The following APAF1 variants were observed in gnomAD, a reference collection of about 807,000 sequenced individuals.
The protein encoded by APAF1 is apoptotic peptidase activating factor 1.
APAF1 carries 91 observed loss-of-function variants against 152.4 expected under a neutral mutation model. The observed-to-expected ratio is 0.60, with a 90% CI of 0.50 to 0.71. APAF1 has a LOEUF of 0.71. Among genes scored for constraint, APAF1 ranks in the 30% least tolerant of loss-of-function variants. APAF1 has a pLI of 0.00. For missense variants in APAF1, 1,283 were observed against 1,472.0 expected (o/e 0.87, Z 2.10); for synonymous variants, 484 against 494.1 (o/e 0.98, Z 0.27).
At position 98,725,422 on chromosome 12, in the gene APAF1, G is replaced by A. The variant is rs747384651; in HGVS notation, c.3338G>A (p.Ser1113Asn). 1.2e-6 allele frequency: 2 copies of A among 1,614,102 alleles called. No homozygotes were observed. Among genetic ancestry groups the A allele is most frequent in the Admixed American group, 3.3e-5 (2 of 60,022 alleles). The change falls in exon 25 of 27, where the codon AGT (serine) becomes AAT (asparagine). Residue 1113 changes from serine (S) to asparagine (N), a missense_variant. Physicochemically the swap from Ser to Asn is conservative, Grantham distance 46. Coordinates refer to ENST00000551964, the MANE Select transcript of APAF1 (RefSeq NM_181861.2). Reference protein sequence around the residue: ...TSADKTAKIWSFDLLLPLHEL... With the variant: ...TSADKTAKIWNFDLLLPLHEL... ...ATCCTAATTGCCTTCCAGATCTGGA[G>A]TTTTGATCTCCTTTTGCCACTTCAT...
intron 16 of APAF1, among the ~76,000 whole-genome samples, chr12:98,693,810 G>A (rs11833466): frequency 0.037 from 4,017 of 108,470 alleles, 177 homozygotes; most frequent in African/African-American, 0.12. Context: ...TTTTTTTTTC[G>A]TCTTCTTTCT....
chr12:98,682,778 A>G (rs1012023679), intron 14 of APAF1, among the ~76,000 whole-genome samples: 21 of 152,230 alleles, frequency 1.4e-4, no homozygotes, highest in African/African-American at 5.1e-4. Context: ...TGGTAGAGCC[A>G]GCTCTTGGGC....
intron 12 of APAF1, among the ~76,000 whole-genome samples, chr12:98,676,777 G>C (rs2097687037): frequency 6.6e-6 from 1 of 151,832 alleles, no homozygotes; most frequent in Admixed American, 6.6e-5. Flanking sequence ...CTCCCAAGTA[G>C]CTGGGATTAC....
chr12:98,711,622 A>T (rs1275455212), intron 20 of APAF1, among the ~76,000 whole-genome samples: 2 of 152,228 alleles, frequency 1.3e-5, no homozygotes, highest in Non-Finnish European at 2.9e-5. Context: ...TTATGACACT[A>T]AGAGAGAGGT....
intron 12 of APAF1, among the ~76,000 whole-genome samples, chr12:98,674,747 T>C (rs1447506817): frequency 6.6e-6 from 1 of 152,244 alleles, no homozygotes; most frequent in African/African-American, 2.4e-5. Context: ...TAGTATTTTA[T>C]AGCATTGTTG....
chr12:98,665,089 G>A (rs1445004363), intron 7 of APAF1, among the ~76,000 whole-genome samples: 2 of 148,406 alleles, frequency 1.3e-5, no homozygotes, highest in Non-Finnish European at 3.0e-5. Context: ...GGATGCAGTG[G>A]TGCTGTCATG....
In APAF1 at chr12:98,708,640, T is replaced by C; in HGVS notation, c.2777T>C (p.Val926Ala). The change falls in exon 20 of 27, where the codon GTA becomes GCA. Residue 926 changes from valine to alanine, a missense_variant. Transcript: ENST00000551964. Reference sequence around the variant, plus strand: ...TCTGCTGTAATGTTAAAGCAAGAAGTAGATGTTGTGTTTCAAGAAAATGAA... The same window carrying C: ...TCTGCTGTAATGTTAAAGCAAGAAGCAGATGTTGTGTTTCAAGAAAATGAA... The part of the protein sequence containing the change: ...KNSAVMLKQE[V>A]DVVFQENEVM... The C allele has an allele frequency of 6.2e-7, 1 of 1,613,576 alleles. No individual in the cohort carries two copies. Among genetic ancestry groups the C allele is most frequent in the Non-Finnish European group, 8.5e-7 (1 of 1,179,680 alleles).
chr12:98,735,231 C>G lies in APAF1; in HGVS notation c.*2665C>G, dbSNP rs760417324. Reference sequence around the variant, plus strand: ...CAGATGAGCATTTCTAAAGCATTTTCCCTTGCTGTATTTTTTTGTATTATA... The same window carrying G: ...CAGATGAGCATTTCTAAAGCATTTTGCCTTGCTGTATTTTTTTGTATTATA... On this transcript the variant is annotated 3_prime_UTR_variant, in exon 27 of 27. Coordinates refer to ENST00000551964, the MANE Select transcript of APAF1 (RefSeq NM_181861.2). 4.0e-5 allele frequency: 16 copies of G among 398,822 alleles called. No individual in the cohort carries two copies. The highest frequency in any genetic ancestry group is 5.7e-5 in the Non-Finnish European group (13 of 226,404). 24.7% of individuals were successfully genotyped at this position (398,822 alleles called of 1,614,324 possible). A position where few individuals can be genotyped will look rare whatever the true frequency, so the allele number is the denominator to read the frequency against.
At position 98,659,193 on chromosome 12, in the gene APAF1, T is replaced by C. The variant is rs746326392; in HGVS notation, c.560T>C (p.Val187Ala). Residue 187 changes from valine (V) to alanine (A), a missense_variant, in exon 5 of 27, where the codon GTT becomes GCT. Physicochemically the swap from Val to Ala is moderately conservative, Grantham distance 64 (BLOSUM62 0). Transcript: ENST00000551964. ...CCAGGGGGAGTGCATTGGGTTTCAGTTGGGAAACAAGACAAATCTGGGCTT... is the reference window on the plus strand; with the variant it reads ...CCAGGGGGAGTGCATTGGGTTTCAGCTGGGAAACAAGACAAATCTGGGCTT... ...CFPGGVHWVS[V>A]GKQDKSGLLM... 3 of 1,614,196 alleles carry C rather than the reference T, an allele frequency of 1.9e-6. No homozygotes were observed. Among genetic ancestry groups the C allele is most frequent in the Non-Finnish European group, 2.5e-6 (3 of 1,180,038 alleles).
intron 13 of APAF1, among the ~76,000 whole-genome samples, chr12:98,678,455 G>A (rs7303874): frequency 0.18 from 26,865 of 152,192 alleles, 2,523 homozygotes; most frequent in Non-Finnish European, 0.2. Context: ...TGCTGTAGCC[G>A]CCCAAGCCAC....
chr12:98,727,313 T>C lies in APAF1; in HGVS notation c.3597T>C (p.Ile1199=). The change falls in exon 26 of 27, where the codon ATT becomes ATC. Residue 1199 remains isoleucine (I), a synonymous_variant. Transcript: ENST00000551964. ...TGCTTATCTCTGCTGGAGGATATAT[T>C]AAGGTAAGAGTTCCCCAAGAACTGT... The part of the protein sequence containing the change: ...GKMLISAGGY[I]KWWNVVTGES... 1 of 1,614,068 alleles carries C rather than the reference T, an allele frequency of 6.2e-7. No homozygotes were observed.
chr12:98,658,818 G>C (rs750148711), intron 4 of APAF1, among the ~76,000 whole-genome samples: 1 of 152,160 alleles, frequency 6.6e-6, no homozygotes, highest in Non-Finnish European at 1.5e-5. Context: ...TTACAACAAA[G>C]AATTGCCATC....
intron 5 of APAF1, among the ~76,000 whole-genome samples, chr12:98,660,748 T>C (rs937736314): frequency 1.3e-5 from 2 of 152,230 alleles, no homozygotes; most frequent in African/African-American, 4.8e-5. Flanking sequence ...GGGAATGTTA[T>C]AGTATACTGA....
chr12:98,728,548 C>T (rs2153345491), intron 26 of APAF1, among the ~76,000 whole-genome samples: 1 of 137,944 alleles, frequency 7.2e-6, no homozygotes, highest in Non-Finnish European at 1.6e-5. Context: ...GGCAAAACGC[C>T]ATCTCTGCTA....
intron 16 of APAF1, among the ~76,000 whole-genome samples, chr12:98,693,648 A>G (rs1377442401): frequency 6.6e-6 from 1 of 152,128 alleles, no homozygotes; most frequent in Non-Finnish European, 1.5e-5. Context: ...TGGAAACAAC[A>G]TTTTTGGAAG....
intron 1 of APAF1, among the ~76,000 whole-genome samples, chr12:98,647,254 A>G (rs775633157): frequency 9.7e-6 from 1 of 103,010 alleles, no homozygotes; most frequent in Non-Finnish European, 2.5e-5. Context: ...CGTCTGTACT[A>G]AAAAAAAAAA....
intron 12 of APAF1, among the ~76,000 whole-genome samples, chr12:98,672,198 T>C (rs769818259): frequency 6.6e-6 from 1 of 152,206 alleles, no homozygotes; most frequent in Non-Finnish European, 1.5e-5. Flanking sequence ...AGAGTCTCAC[T>C]ATGTTGCCAA....
intron 15 of APAF1, 141 bp from the exon 16 acceptor site, chr12:98,686,607 A>T (rs1451188071): frequency 2.5e-6 from 2 of 797,868 alleles, no homozygotes; most frequent in Non-Finnish European, 3.9e-6. Flanking sequence ...TTTGTGTTTG[A>T]TACGTTTGTG....
intron 15 of APAF1, among the ~76,000 whole-genome samples, chr12:98,684,514 C>G (rs971117470): frequency 2.7e-5 from 4 of 148,626 alleles, no homozygotes; most frequent in Non-Finnish European, 6.0e-5. Flanking sequence ...CCCCACCCCC[C>G]CTCTCATTCT....
Sources: allele counts gnomAD v4.1 joint callset (sites outside exome capture counted in the v4.1 genomes callset), GRCh38; gene constraint gnomAD v4.1.1; transcripts MANE v1.5; gene names NCBI Gene and HGNC (gene_info 2026-07-23, HGNC 2026-07-21).